The following DNAH7 variants were observed in gnomAD, a reference collection of about 807,000 sequenced individuals.
DNAH7 encodes the protein dynein axonemal heavy chain 7, also known as axonemal beta dynein heavy chain 7.
DNAH7 carries 397 observed loss-of-function variants against 444.6 expected under a neutral mutation model. The observed-to-expected ratio is 0.89, with a 90% CI of 0.82 to 0.97. The LOEUF (loss-of-function observed/expected upper bound fraction) is 0.97. Among genes scored for constraint, DNAH7 ranks in the 50% least tolerant of loss-of-function variants. DNAH7 has a pLI of 0.00. For synonymous variants in DNAH7, 1,636 were observed against 1,624.4 expected, an observed-to-expected ratio of 1.01 and a Z score of -0.17; for missense variants, 4,902 against 4,800.8, an observed-to-expected ratio of 1.02 and a Z score of -0.62.
chr2:196,004,836 C>T (rs1397067792), intron 10 of DNAH7, among the ~76,000 whole-genome samples: 52 of 151,724 alleles, frequency 3.4e-4, no homozygotes, highest in Non-Finnish European at 7.4e-5. Flanking sequence ...TGACATGCGC[C>T]TGTGTTCCCA....
intron 47 of DNAH7, among the ~76,000 whole-genome samples, chr2:195,842,147 C>G (rs1455009523): frequency 6.6e-6 from 1 of 152,022 alleles, no homozygotes; most frequent in East Asian, 1.9e-4. Context: ...AGATACAGGT[C>G]TGATCTACTT....
At chr2:195,740,946 A>T in intron 63 of DNAH7, 77 bp from the exon 64 acceptor site, 1 of 800,616 alleles carries the variant, frequency 1.2e-6, no homozygotes, top group Non-Finnish European at 1.8e-6. Context: ...AAATTTCTAC[A>T]TGTAAGTACT....
At chr2:196,009,931 C>T (rs754352168) in intron 10 of DNAH7, among the ~76,000 whole-genome samples, 11 of 152,088 alleles carry the variant, frequency 7.2e-5, no homozygotes, top group African/African-American at 2.2e-4. Flanking sequence ...CTATTCATCA[C>T]GGAAATGCAA....
At chr2:196,030,213 A>G (rs1695964345) in intron 5 of DNAH7, among the ~76,000 whole-genome samples, 1 of 152,318 alleles carries the variant, frequency 6.6e-6, no homozygotes, top group Non-Finnish European at 1.5e-5. Flanking sequence ...AAAGACAGAG[A>G]AATGAGAGCC....
At chr2:195,951,316 G>T (rs925893501) in intron 19 of DNAH7, among the ~76,000 whole-genome samples, 5 of 152,096 alleles carry the variant, frequency 3.3e-5, no homozygotes, top group Non-Finnish European at 5.9e-5. Context: ...TGTTTGTTAT[G>T]ATTTCTGTTC....
intron 48 of DNAH7, among the ~76,000 whole-genome samples, chr2:195,826,930 T>G (rs1427743651): frequency 2.6e-5 from 4 of 151,960 alleles, no homozygotes; most frequent in Admixed American, 6.6e-5. Flanking sequence ...ACATCCACAT[T>G]CCAACCATTA....
chr2:195,751,861 ATAT>A (rs1199446795), intron 63 of DNAH7, among the ~76,000 whole-genome samples: 2 of 152,216 alleles, frequency 1.3e-5, no homozygotes, highest in African/African-American at 4.8e-5. Context: ...CCAAAGGCTG[ATAT>A]TATCTATCTT....
At chr2:195,774,898 C>T (rs1694995424) in intron 60 of DNAH7, among the ~76,000 whole-genome samples, 1 of 152,170 alleles carries the variant, frequency 6.6e-6, no homozygotes, top group African/African-American at 2.4e-5. Flanking sequence ...TTCCTTAATT[C>T]ATCAAAATTT....
chr2:195,930,831 A>G lies in DNAH7; in HGVS notation c.3471+3760T>C, dbSNP rs117948237. Among the ~76,000 whole-genome samples the G allele has an allele frequency of 0.019, 2,965 of 152,282 alleles. 248 individuals are homozygous for G. The East Asian group carries it at 0.27, about 14-fold the overall frequency. ...AAATGTGATAAATATACACCATATA[A>G]TACTATGCAGCCACAAAAATAATGA... On this transcript the variant is annotated intron_variant, in intron 21 of 64. Transcript: ENST00000312428.
At chr2:195,923,522 G>A (rs2125356503) in intron 23 of DNAH7, 73 bp downstream of exon 23, 1 of 1,430,900 alleles carries the variant, frequency 7.0e-7, no homozygotes, top group Non-Finnish European at 9.8e-7. Context: ...TTTCCCATGT[G>A]AGCAAGCAAG....
intron 47 of DNAH7, among the ~76,000 whole-genome samples, chr2:195,837,657 G>T (rs1350522357): frequency 6.6e-6 from 1 of 151,594 alleles, no homozygotes; most frequent in Admixed American, 6.6e-5. Flanking sequence ...TTCATGTTTT[G>T]CTTTTTTTTT....
intron 8 of DNAH7, 130 bp downstream of exon 8, chr2:196,024,299 A>G: frequency 1.9e-6 from 1 of 524,910 alleles, no homozygotes; most frequent in South Asian, 6.0e-5. Context: ...TGTATATGAA[A>G]TACATACATA....
rs1698949693 is a variant in DNAH7, at chr2:195,845,758, A to C, written c.8782-593T>G. On this transcript the variant is annotated intron_variant, in intron 46 of 64. Coordinates refer to ENST00000312428, the MANE Select transcript of DNAH7 (RefSeq NM_018897.3). ...CAGTTGACAAAAATAAGCAATGGAG[A>C]AAGGACTCCCTATTCAATAAATGGT... is the stretch of plus-strand genomic sequence containing the variant. 2.0e-5 allele frequency among the ~76,000 whole-genome samples: 3 copies of C among 152,246 alleles called. No homozygotes were observed. In the South Asian group the frequency reaches 6.2e-4, roughly 32 times the overall value.
chr2:195,873,759 A>G (rs1451337387), intron 38 of DNAH7, 65 bp from the exon 39 acceptor site: 1 of 1,230,970 alleles, frequency 8.1e-7, no homozygotes, highest in East Asian at 3.0e-5. Context: ...TTTCTCAAAT[A>G]TTCTATAGTT....
intron 24 of DNAH7, among the ~76,000 whole-genome samples, chr2:195,912,809 T>A (rs997431816): frequency 6.6e-6 from 1 of 152,162 alleles, no homozygotes; most frequent in Non-Finnish European, 1.5e-5. Flanking sequence ...AAGCAAAAGA[T>A]AAGCTATTGA....
chr2:196,035,281 A>G (rs183379761), intron 5 of DNAH7, among the ~76,000 whole-genome samples: 32 of 152,356 alleles, frequency 2.1e-4, no homozygotes, highest in African/African-American at 7.7e-4. Context: ...TATGAACAAC[A>G]AAAGGAAAAT....
chr2:195,812,235 C>T (rs140850129), intron 51 of DNAH7, among the ~76,000 whole-genome samples: 2 of 152,072 alleles, frequency 1.3e-5, no homozygotes, highest in African/African-American at 4.8e-5. Context: ...GCCCTAGCCT[C>T]CGAATTTTCA....
intron 3 of DNAH7, among the ~76,000 whole-genome samples, chr2:196,050,960 C>A (rs768779860): frequency 1.3e-5 from 2 of 152,168 alleles, no homozygotes; most frequent in African/African-American, 2.4e-5. Context: ...CCAATCTTGG[C>A]AAGTCGTTCA....
At chr2:195,813,278 G>GA (rs898704495) in intron 51 of DNAH7, among the ~76,000 whole-genome samples, 14 of 152,156 alleles carry the variant, frequency 9.2e-5, no homozygotes, top group African/African-American at 3.4e-4. Context: ...AATAAGGAGA[G>GA]AGATTTTCCT....
Sources: gnomAD v4.1 joint callset for allele counts (sites outside exome capture counted in the v4.1 genomes callset) on GRCh38, gnomAD v4.1.1 for gene constraint, MANE v1.5 for transcripts, NCBI Gene and HGNC (gene_info 2026-07-23, HGNC 2026-07-21) for gene names.